CERS5: variants seen among roughly 807,000 people sequenced by gnomAD.
The protein encoded by CERS5 is ceramide synthase 5, also known as LAG1 homolog, ceramide synthase 5.
A neutral mutation model predicts 58.9 loss-of-function variants in CERS5; 37 were observed. The observed-to-expected ratio is 0.63, with a 90% CI of 0.48 to 0.83. The LOEUF (loss-of-function observed/expected upper bound fraction) is 0.83, where lower values mean the gene tolerates loss of function less well. Ranked by LOEUF, CERS5 falls within the 40% of genes least tolerant of loss-of-function variation. The pLI is 0.00. For synonymous variants in CERS5, 147 were observed against 177.8 expected (o/e 0.83, Z 1.38); for missense variants, 398 against 489.3 (o/e 0.81, Z 1.76).
At chr12:50,136,753 T>A (rs999331327) in intron 6 of CERS5, among the ~76,000 whole-genome samples, 2 of 152,172 alleles carry the variant, frequency 1.3e-5, no homozygotes, top group African/African-American at 2.4e-5. Context: ...AAGGACCTAA[T>A]GGAAGGGAGA....
chr12:50,147,176 G>T (rs927680746), intron 1 of CERS5: 1 of 152,008 alleles, frequency 6.6e-6, no homozygotes, highest in Admixed American at 6.6e-5. Flanking sequence ...GGCTGAGGCG[G>T]GCGGATCACG....
intron 1 of CERS5, among the ~76,000 whole-genome samples, chr12:50,148,946 ATGTGTG>A (rs1185465965): frequency 5.8e-5 from 6 of 103,152 alleles, no homozygotes; most frequent in African/African-American, 2.0e-4. Context: ...ATATATATAT[ATGTGTG>A]TGTGTGTGTG....
intron 1 of CERS5, chr12:50,153,941 C>T: frequency 2.9e-6 from 1 of 350,448 alleles, no homozygotes; most frequent in Non-Finnish European, 5.8e-6. Flanking sequence ...GCGACAAGAG[C>T]AAAACACCAC....
At chr12:50,133,042 C>T (rs944358460) in intron 9 of CERS5, 1 of 1,289,010 alleles carries the variant, frequency 7.8e-7, no homozygotes, top group African/African-American at 1.5e-5. Flanking sequence ...AGTACAGGGT[C>T]TAATCCTTCC....
At chr12:50,141,350 C>T (rs558568584) in intron 4 of CERS5, among the ~76,000 whole-genome samples, 3 of 152,186 alleles carry the variant, frequency 2.0e-5, no homozygotes, top group African/African-American at 7.2e-5. Flanking sequence ...CTGTGCCTGG[C>T]CCCCTGAAAT....
At chr12:50,132,004 C>T (rs11169278) in intron 9 of CERS5, among the ~76,000 whole-genome samples, 50,078 of 151,786 alleles carry the variant, frequency 0.33, 8,479 homozygotes, top group South Asian at 0.39. Flanking sequence ...ACTTGGGAGG[C>T]TGAGGCAGGA....
intron 3 of CERS5, 129 bp from the exon 4 acceptor site, chr12:50,142,239 G>A (rs1315206135): frequency 1.6e-6 from 1 of 636,752 alleles, no homozygotes. Context: ...TCCTAGAATA[G>A]GCAACTACTG....
chr12:50,133,527 C>CCGAGATCT, intron 9 of CERS5: 1 of 988,428 alleles, frequency 1.0e-6, no homozygotes, highest in Admixed American at 5.9e-5. Context: ...TGAACTACCA[C>CCGAGATCT]ACACCACTTC....
intron 1 of CERS5, among the ~76,000 whole-genome samples, chr12:50,156,678 C>T (rs1266918691): frequency 6.6e-6 from 1 of 151,898 alleles, no homozygotes; most frequent in African/African-American, 2.4e-5. Flanking sequence ...TATTTGGGGT[C>T]TTCAATAATT....
chr12:50,152,379 A>G (rs1207806949), intron 1 of CERS5, among the ~76,000 whole-genome samples: 1 of 152,260 alleles, frequency 6.6e-6, no homozygotes, highest in Non-Finnish European at 1.5e-5. Context: ...GTTTTGCTTA[A>G]GAATGTCCTT....
chr12:50,138,337 C>T (rs1951794986), intron 5 of CERS5, among the ~76,000 whole-genome samples: 1 of 151,648 alleles, frequency 6.6e-6, no homozygotes, highest in Non-Finnish European at 1.5e-5. Flanking sequence ...GAACAAAAAA[C>T]TCATTGGATT....
chr12:50,141,939 C>CAA (rs35739493), intron 4 of CERS5, 114 bp downstream of exon 4: 20,715 of 397,586 alleles, frequency 0.052, 49 homozygotes, highest in South Asian at 0.067. Flanking sequence ...GACTCCGTCT[C>CAA]AAAAAAAAAA....
Position 50,129,548 on chromosome 12 carries a change from C to G in CERS5, c.*997G>C, listed in dbSNP as rs1391071834. Reference sequence around the variant, plus strand: ...TTAGACAGAGTCTCGGTCTGTCGCCCAGGCTGGAGTGCAGTGGCACGATCT... The same window carrying G: ...TTAGACAGAGTCTCGGTCTGTCGCCGAGGCTGGAGTGCAGTGGCACGATCT... On this transcript the variant is annotated 3_prime_UTR_variant, in exon 10 of 10. Coordinates refer to ENST00000317551, the MANE Select transcript of CERS5 (RefSeq NM_147190.5). The G allele has an allele frequency of 6.8e-6, 1 of 146,034 alleles. No individual in the cohort carries two copies. Among genetic ancestry groups the G allele is most frequent in the African/African-American group, 2.6e-5 (1 of 38,936 alleles). 9.0% of individuals were successfully genotyped at this position (146,034 alleles called of 1,614,324 possible).
intron 1 of CERS5, among the ~76,000 whole-genome samples, chr12:50,163,437 A>T (rs911159271): frequency 2.6e-5 from 4 of 151,928 alleles, no homozygotes; most frequent in African/African-American, 9.7e-5. Flanking sequence ...ACCTCAAGTG[A>T]TCTGCCTGCC....
intron 1 of CERS5, among the ~76,000 whole-genome samples, chr12:50,155,932 G>A (rs1459461575): frequency 1.0e-4 from 15 of 148,958 alleles, no homozygotes; most frequent in Non-Finnish European, 1.8e-4. Flanking sequence ...GTGAAACCCC[G>A]TCTCTACTAA....
intron 1 of CERS5, among the ~76,000 whole-genome samples, chr12:50,158,819 C>G (rs1357995896): frequency 1.3e-5 from 2 of 152,214 alleles, no homozygotes; most frequent in Non-Finnish European, 2.9e-5. Flanking sequence ...CTAAAAACTA[C>G]AAGGAATATC....
intron 8 of CERS5, 164 bp downstream of exon 8, chr12:50,135,565 CAGA>C (rs1951644913): frequency 4.1e-6 from 3 of 723,090 alleles, no homozygotes; most frequent in Non-Finnish European, 7.6e-6. Flanking sequence ...TGAGAGTCCA[CAGA>C]AGGTCAGCAC....
chr12:50,146,597 C>T (rs1002121427), intron 1 of CERS5, among the ~76,000 whole-genome samples: 18 of 152,232 alleles, frequency 1.2e-4, no homozygotes, highest in Non-Finnish European at 2.2e-4. Context: ...CAGTGGCTCA[C>T]GCTTGTAATC....
chr12:50,159,996 G>A (rs907341131), intron 1 of CERS5, among the ~76,000 whole-genome samples: 3 of 152,030 alleles, frequency 2.0e-5, no homozygotes, highest in Non-Finnish European at 4.4e-5. Flanking sequence ...CAAAAGTACT[G>A]TCAATATGTA....
Sources: allele counts gnomAD v4.1 joint callset (sites outside exome capture counted in the v4.1 genomes callset), GRCh38; gene constraint gnomAD v4.1.1; transcripts MANE v1.5; gene names NCBI Gene and HGNC (gene_info 2026-07-23, HGNC 2026-07-21).